The following IGSF9 variants were observed in gnomAD, a reference collection of about 807,000 sequenced individuals.
The protein encoded by IGSF9 is protein turtle homolog A.
Under a neutral mutation model 121.7 loss-of-function variants are expected in IGSF9, and 87 were observed. That is an observed-to-expected ratio of 0.71 (90% CI 0.60 to 0.85). The LOEUF is 0.85. IGSF9 is among the 40% of genes least tolerant of loss of function. The pLI, the probability that IGSF9 is intolerant of heterozygous loss-of-function variation, is 0.00. For missense variants in IGSF9, 1,462 were observed against 1,565.3 expected (o/e 0.93, Z 1.11); for synonymous variants, 640 against 648.4 (o/e 0.99, Z 0.20).
Position 159,927,820 on chromosome 1 carries a change from C to G in IGSF9, c.3298G>C (p.Glu1100Gln). 1.2e-6 allele frequency: 2 copies of G among 1,613,878 alleles called. No homozygotes were observed. The highest frequency in any genetic ancestry group is 1.1e-5 in the South Asian group (1 of 91,074). Residue 1100 changes from glutamate to glutamine, a missense_variant, in exon 20 of 21, where the codon GAG (glutamate) becomes CAG (glutamine). Glu to Gln is a conservative substitution (Grantham distance 29, BLOSUM62 2). Around this residue, in one of 3 missense-constraint regions of IGSF9, gnomAD observed 808 missense variants for 815.2 expected, o/e 0.99. Coordinates refer to ENST00000368094, the MANE Select transcript of IGSF9 (RefSeq NM_001135050.2). ...CTGGCCAAGCCCAGGTGCAAAGTCT[C>G]CAGCAATTCCATGTCCCCAGGGAAT... Reference protein sequence around the residue: ...SEFPGDMELLETLHLGLASSR... With the variant: ...SEFPGDMELLQTLHLGLASSR...
Position 159,928,753 on chromosome 1 carries a change from G to A in IGSF9, c.2635C>T (p.Arg879Cys). 8 of 1,477,102 alleles carry A rather than the reference G, an allele frequency of 5.4e-6. No individual in the cohort carries two copies. The highest frequency in any genetic ancestry group is 7.2e-6 in the Non-Finnish European group (8 of 1,111,494). 91.5% of individuals were successfully genotyped at this position (1,477,102 alleles called of 1,614,324 possible). A position where few individuals can be genotyped will look rare whatever the true frequency, so the allele number is the denominator to read the frequency against. The change falls in exon 19 of 21, where the codon CGT (arginine) becomes TGT (cysteine). Residue 879 changes from arginine to cysteine, a missense_variant. By Grantham distance (180) the Arg-to-Cys change is radical (BLOSUM62 -3). Coordinates refer to ENST00000368094, the MANE Select transcript of IGSF9 (RefSeq NM_001135050.2). ...CTACAGTCAAAGGACCGGGCCAGAC[G>A]CTGGGCTGGAGTCCGAGGTTCTGCC... is the stretch of plus-strand genomic sequence containing the variant. ...EQAEPRTPAQRLARSFDCSSS... is the reference protein window; with the variant it reads ...EQAEPRTPAQCLARSFDCSSS...
chr1:159,932,523 C>T lies in IGSF9; in HGVS notation c.1234G>A (p.Val412Met), dbSNP rs753237961. ...GTAGPSPVTR[V>M]LLKAPPAFIE... is the part of the protein sequence containing the mutation. Reference sequence around the variant, plus strand: ...ACCCCCGGCCTAACCTTGAGCAGCACGCGGGTCACAGGAGAGGGCCCGGCG... The same window carrying T: ...ACCCCCGGCCTAACCTTGAGCAGCATGCGGGTCACAGGAGAGGGCCCGGCG... The change falls in exon 10 of 21, where the codon GTG (valine) becomes ATG (methionine). Residue 412 changes from valine to methionine, a missense_variant. Physicochemically the swap from Val to Met is conservative, Grantham distance 21. This residue lies in a region of IGSF9 where 558 missense variants were observed against 599.4 expected (regional missense o/e 0.93). Coordinates refer to ENST00000368094, the MANE Select transcript of IGSF9 (RefSeq NM_001135050.2). This position sits in a 1 kb window ranked among gnomAD's most constrained non-coding sequence, Gnocchi z 4.1. 11 of 1,613,854 alleles carry T rather than the reference C, an allele frequency of 6.8e-6. No individual in the cohort carries two copies. Among genetic ancestry groups the T allele is most frequent in the Middle Eastern group, 1.7e-4 (1 of 6,056 alleles).
chr1:159,927,264 C>G lies in IGSF9; in HGVS notation c.*81G>C, dbSNP rs1320339718. On this transcript the variant is annotated 3_prime_UTR_variant, in exon 21 of 21. Coordinates refer to ENST00000368094, the MANE Select transcript of IGSF9 (RefSeq NM_001135050.2). ...CAAAGGGGCAGGCAGGGGCAGTGCC[C>G]TCGTTTGAAACTAGGTCTGTCTGGT... 2.5e-5 allele frequency: 39 copies of G among 1,560,736 alleles called. No individual in the cohort carries two copies. The highest frequency in any genetic ancestry group is 8.8e-7 in the Non-Finnish European group (1 of 1,135,618).
rs1245137634 is a variant in IGSF9, at chr1:159,936,811, A to C, written c.498T>G (p.Pro166=). 1 of 1,614,058 alleles carries C rather than the reference A, an allele frequency of 6.2e-7. No individual in the cohort carries two copies. The highest frequency in any genetic ancestry group is 1.3e-5 in the African/African-American group (1 of 74,932). The change falls in exon 5 of 21, where the codon CCT becomes CCG. Residue 166 remains proline, a synonymous_variant. Transcript: ENST00000368094. ...TTCCTCGGAGCTTCCACGTCACATG[A>C]GGCAGGGGGCTGCCACGGGCCACAC... The part of the protein sequence containing the change: ...LRCVARGSPL[P]HVTWKLRGKD...
At chr1:159,928,053 C>G in intron 19 of IGSF9, 105 bp downstream of exon 19, 3 of 1,499,130 alleles carry the variant, frequency 2.0e-6, no homozygotes, top group Non-Finnish European at 2.7e-6. Context: ...TTTTCCCGTT[C>G]CCAGGGTGGG....
chr1:159,928,559 C>A lies in IGSF9; in HGVS notation c.2829G>T (p.Pro943=), dbSNP rs933309479. 1.9e-6 allele frequency: 3 copies of A among 1,541,242 alleles called. No homozygotes were observed. Among genetic ancestry groups the A allele is most frequent in the Non-Finnish European group, 2.6e-6 (3 of 1,142,464 alleles). Residue 943 remains proline (P), a synonymous_variant, in exon 19 of 21, where the codon CCG becomes CCT. Transcript: ENST00000368094. ...REMNVDGDWP[P]LEEPSPAAPP... ...GTGCAGCAGGGCTGGGCTCCTCAAG[C>A]GGGGGCCAGTCCCCATCCACATTCA...
In IGSF9 at chr1:159,932,873, G is replaced by A. The variant is rs1357061737; in HGVS notation, c.1105-221C>T. The A allele has an allele frequency of 2.0e-6, 1 of 500,012 alleles. No individual in the cohort carries two copies. The highest frequency in any genetic ancestry group is 3.1e-5 in the South Asian group (1 of 32,704). The allele number at this position is 500,012 out of a possible 1,614,324, so 31.0% of individuals were successfully genotyped here. On this transcript the variant is annotated intron_variant, in intron 9 of 20. Transcript: ENST00000368094. The surrounding 1 kb of genome is among the most constrained non-coding windows in gnomAD (Gnocchi z 4.1). ...TGAGGCTGTGACTGCACAACTCCAG[G>A]GGGTGCCACTCACAGAAAATACACT...
chr1:159,927,823 G>A lies in IGSF9; in HGVS notation c.3295C>T (p.Leu1099=). 1 of 1,613,476 alleles carries A rather than the reference G, an allele frequency of 6.2e-7. No homozygotes were observed. The highest frequency in any genetic ancestry group is 2.2e-5 in the East Asian group (1 of 44,850). ...DSEFPGDMEL[L]ETLHLGLASS... ...GCCAAGCCCAGGTGCAAAGTCTCCA[G>A]CAATTCCATGTCCCCAGGGAATTCT... Residue 1099 remains leucine (L), a synonymous_variant, in exon 20 of 21, where the codon CTG becomes TTG. Coordinates refer to ENST00000368094, the MANE Select transcript of IGSF9 (RefSeq NM_001135050.2).
In IGSF9 at chr1:159,943,555, T is replaced by C; in HGVS notation, c.-101A>G. ...ATCAGCTCAGGGAACAGGTTTCAGC[T>C]CTCACTCTTCTGTACAGTGAGGGCT... is the stretch of plus-strand genomic sequence containing the variant. On this transcript the variant is annotated 5_prime_UTR_variant, in exon 2 of 21. Transcript: ENST00000368094. 8.8e-7 allele frequency: 1 copy of C among 1,141,720 alleles called. No homozygotes were observed. Among genetic ancestry groups the C allele is most frequent in the Non-Finnish European group, 1.2e-6 (1 of 829,448 alleles). The allele number at this position is 1,141,720 out of a possible 1,614,324, so 70.7% of individuals were successfully genotyped here.
In IGSF9 at chr1:159,936,825, C is replaced by T. The variant is rs757438832; in HGVS notation, c.484G>A (p.Gly162Ser). 3 of 1,614,226 alleles carry T rather than the reference C, an allele frequency of 1.9e-6. No homozygotes were observed. The highest frequency in any genetic ancestry group is 2.5e-6 in the Non-Finnish European group (3 of 1,180,022). The part of the protein sequence containing the change: ...EPVTLRCVAR[G>S]SPLPHVTWKL... ...CACGTCACATGAGGCAGGGGGCTGC[C>T]ACGGGCCACACAACGCAGGGTCACA... The change falls in exon 5 of 21, where the codon GGC (glycine) becomes AGC (serine). Residue 162 changes from glycine to serine, a missense_variant. This residue lies in a region of IGSF9 where 558 missense variants were observed against 599.4 expected (regional missense o/e 0.93). Coordinates refer to ENST00000368094, the MANE Select transcript of IGSF9 (RefSeq NM_001135050.2).
intron 3 of IGSF9, among the ~76,000 whole-genome samples, chr1:159,941,105 T>C (rs928810819): frequency 2.7e-5 from 4 of 147,194 alleles, no homozygotes; most frequent in Admixed American, 6.6e-5. Flanking sequence ...TCTCCTCTAC[T>C]AGATGCTTCT....
intron 3 of IGSF9, among the ~76,000 whole-genome samples, chr1:159,942,615 T>A (rs561629696): frequency 2.6e-4 from 40 of 152,254 alleles, no homozygotes; most frequent in Non-Finnish European, 4.9e-4. Flanking sequence ...GGATGAAGTC[T>A]GGGAGGTTTC....
At chr1:159,929,490 G>T in intron 17 of IGSF9, 97 bp from the exon 18 acceptor site, 1 of 1,521,664 alleles carries the variant, frequency 6.6e-7, no homozygotes. Flanking sequence ...ACCCCATCCG[G>T]CTGGGAAAAG....
chr1:159,929,615 G>C (rs1464157112), intron 17 of IGSF9, 23 bp downstream of exon 17: 1 of 1,585,850 alleles, frequency 6.3e-7, no homozygotes, highest in Non-Finnish European at 8.6e-7. Flanking sequence ...CGCAGTAGCA[G>C]GGCTGAGGGT....
chr1:159,927,234 G>C lies in IGSF9; in HGVS notation c.*111C>G, dbSNP rs1234389034. On this transcript the variant is annotated 3_prime_UTR_variant, in exon 21 of 21. Coordinates refer to ENST00000368094, the MANE Select transcript of IGSF9 (RefSeq NM_001135050.2). ...AACCCACTATCAGGGTCTGTGCCTG[G>C]GCACCAAAGGGGCAGGCAGGGGCAG... 1 of 1,308,888 alleles carries C rather than the reference G, an allele frequency of 7.6e-7. No homozygotes were observed. Among genetic ancestry groups the C allele is most frequent in the African/African-American group, 1.5e-5 (1 of 68,178 alleles). The allele number at this position is 1,308,888 out of a possible 1,614,324, so 81.1% of individuals were successfully genotyped here. A position where few individuals can be genotyped will look rare whatever the true frequency, so the allele number is the denominator to read the frequency against.
intron 6 of IGSF9, 55 bp from the exon 7 acceptor site, chr1:159,934,877 C>G: frequency 6.2e-7 from 1 of 1,600,870 alleles, no homozygotes; most frequent in Non-Finnish European, 8.5e-7. Flanking sequence ...TTCCCAGAAC[C>G]CTGAGGTCAC....
rs769621486 is a variant in IGSF9 at position 159,929,871 on chromosome 1, C to T, written c.2149+20G>A. The T allele has an allele frequency of 2.0e-5, 32 of 1,578,814 alleles. No individual in the cohort carries two copies. The highest frequency in any genetic ancestry group is 2.7e-5 in the Non-Finnish European group (31 of 1,163,158). On this transcript the variant is annotated intron_variant, in intron 16 of 20. Coordinates refer to ENST00000368094, the MANE Select transcript of IGSF9 (RefSeq NM_001135050.2). ...GACTCGGAGCAGCCCTGGGGCTCCT[C>T]CCTCACGCCAGGTGCTCACCGGAAG...
At position 159,931,729 on chromosome 1, in the gene IGSF9, C is replaced by A; in HGVS notation, c.1362+83G>T. The A allele has an allele frequency of 6.8e-7, 1 of 1,471,488 alleles. No homozygotes were observed. The allele number at this position is 1,471,488 out of a possible 1,614,324, so 91.2% of individuals were successfully genotyped here. A position where few individuals can be genotyped will look rare whatever the true frequency, so the allele number is the denominator to read the frequency against. ...CTGACAGCCTTCTCCTTCCCACACC[C>A]TCCCTCCCACAAAATGGCTGGGGCA... On this transcript the variant is annotated intron_variant, in intron 11 of 20. Transcript: ENST00000368094. This position sits in a 1 kb window ranked among gnomAD's most constrained non-coding sequence, Gnocchi z 4.8.
Position 159,931,360 on chromosome 1 carries a change from A to C in IGSF9, c.1513+93T>G. 1 of 1,598,324 alleles carries C rather than the reference A, an allele frequency of 6.3e-7. No homozygotes were observed. ...ACTGACCTTCACCCATCATCATCCC[A>C]GGGGTCCCACACCCATGATCCTCTT... On this transcript the variant is annotated intron_variant, in intron 12 of 20. Coordinates refer to ENST00000368094, the MANE Select transcript of IGSF9 (RefSeq NM_001135050.2). The surrounding 1 kb of genome is among the most constrained non-coding windows in gnomAD (Gnocchi z 4.8).
Sources: gnomAD v4.1 joint callset for allele counts (sites outside exome capture counted in the v4.1 genomes callset) on GRCh38, gnomAD v4.1.1 for gene constraint, gnomAD v4.1.1 regional missense constraint, Gnocchi (gnomAD v3.1) non-coding constraint, MANE v1.5 for transcripts, NCBI Gene and HGNC (gene_info 2026-07-23, HGNC 2026-07-21) for gene names.